The following NFATC1 variants were observed in gnomAD, a reference collection of about 807,000 sequenced individuals.
NFATC1 encodes nuclear factor of activated T cells 1, also known as nuclear factor of activated T-cells, cytoplasmic 1.
A neutral mutation model predicts 76.0 loss-of-function variants in NFATC1; 22 were observed. The ratio of observed to expected loss-of-function variants is 0.29; its 90% CI spans 0.21 to 0.41. The LOEUF is 0.41. Among genes scored for constraint, NFATC1 ranks in the 10% least tolerant of loss-of-function variants. The pLI is 1.00. For missense variants in NFATC1, 1,357 were observed against 1,337.7 expected, an observed-to-expected ratio of 1.01 and a Z score of -0.23; for synonymous variants, 704 against 613.1, an observed-to-expected ratio of 1.15 and a Z score of -2.19.
intron 9 of NFATC1, among the ~76,000 whole-genome samples, chr18:79,489,180 G>A (rs922578591): frequency 8.5e-5 from 13 of 152,240 alleles, no homozygotes; most frequent in Non-Finnish European, 1.6e-4. Context: ...GGCCACAGAG[G>A]GTGGGCTGTT....
intron 8 of NFATC1, among the ~76,000 whole-genome samples, chr18:79,478,316 C>T (rs539616132): frequency 8.5e-5 from 13 of 152,114 alleles, no homozygotes; most frequent in South Asian, 6.2e-4. Context: ...ATCTGGGAGC[C>T]GTGAAGACCC....
At chr18:79,448,717 G>C (rs541589911) in intron 3 of NFATC1, 65 bp from the exon 4 acceptor site, 5 of 1,541,582 alleles carry the variant, frequency 3.2e-6, no homozygotes, top group African/African-American at 2.7e-5. Flanking sequence ...TTTTCTCTGC[G>C]TTCCGGTGAC....
rs912535967 is a variant in NFATC1 at position 79,449,713 on chromosome 18, G to C, written c.1589+729G>C. Among the ~76,000 whole-genome samples the C allele has an allele frequency of 1.2e-4, 19 of 152,340 alleles. 1 individual carries two copies. The South Asian group carries it at 3.9e-3, about 32-fold the overall frequency. ...GGCGTCCTGCGAGGGTGACCCGCAG[G>C]CTGGGAGCCCGTGTGATGGGGAAGC... On this transcript the variant is annotated intron_variant, in intron 4 of 9. Transcript: ENST00000427363.
At chr18:79,458,916 A>G (rs988811323) in intron 6 of NFATC1, among the ~76,000 whole-genome samples, 2 of 152,262 alleles carry the variant, frequency 1.3e-5, no homozygotes, top group Non-Finnish European at 2.9e-5. Flanking sequence ...CTGGCCGTGA[A>G]TACTATTGCT....
intron 2 of NFATC1, among the ~76,000 whole-genome samples, chr18:79,412,010 C>T (rs576975340): frequency 2.0e-5 from 3 of 152,352 alleles, no homozygotes; most frequent in East Asian, 1.9e-4. Flanking sequence ...CAGATGGGAC[C>T]GCAGCTCAAC....
intron 2 of NFATC1, among the ~76,000 whole-genome samples, chr18:79,420,617 GA>G (rs2086052205): frequency 6.6e-6 from 1 of 151,766 alleles, no homozygotes; most frequent in Non-Finnish European, 1.5e-5. Context: ...CGTCGCTGCA[GA>G]GGGGAAGAGG....
At chr18:79,475,728 C>G (rs1325709827) in intron 8 of NFATC1, among the ~76,000 whole-genome samples, 1 of 152,226 alleles carries the variant, frequency 6.6e-6, no homozygotes, top group African/African-American at 2.4e-5. Context: ...GGAGACCTCC[C>G]CAAAAGTCAG....
intron 8 of NFATC1, among the ~76,000 whole-genome samples, chr18:79,483,183 AATTCCAGCGTGACCTGGTTCCTGGGGTG>A (rs2089359737): frequency 1.3e-5 from 1 of 75,620 alleles, no homozygotes; most frequent in Admixed American, 1.5e-4. Context: ...CCTGGGGTGT[AATTCCAGCGTGACCTGGTTCCTGGGGTG>A]TAATTCCAGC....
chr18:79,458,477 C>T (rs999919514), intron 6 of NFATC1, among the ~76,000 whole-genome samples: 1 of 152,084 alleles, frequency 6.6e-6, no homozygotes, highest in Non-Finnish European at 1.5e-5. Context: ...GGTGGCCCGG[C>T]TCCGGGCGGC....
chr18:79,459,479 G>A (rs925910743), intron 6 of NFATC1, among the ~76,000 whole-genome samples: 67 of 152,248 alleles, frequency 4.4e-4, no homozygotes, highest in African/African-American at 1.2e-3. Context: ...GCGTCCCCTC[G>A]GGGTGTCATT....
chr18:79,510,348 C>CAGAT (rs1286316076), intron 9 of NFATC1, among the ~76,000 whole-genome samples: 1 of 152,194 alleles, frequency 6.6e-6, no homozygotes, highest in Non-Finnish European at 1.5e-5. Flanking sequence ...ATATGGGGAT[C>CAGAT]AGATCCCTGA....
chr18:79,516,803 G>A (rs537965935), intron 9 of NFATC1, among the ~76,000 whole-genome samples: 4 of 152,248 alleles, frequency 2.6e-5, no homozygotes, highest in Admixed American at 1.3e-4. Context: ...GAACAAAAGC[G>A]TTTTCCTCTT....
At chr18:79,472,675 G>C (rs1470055077) in intron 8 of NFATC1, among the ~76,000 whole-genome samples, 2 of 152,010 alleles carry the variant, frequency 1.3e-5, no homozygotes, top group East Asian at 3.9e-4. Context: ...AGACACCCTG[G>C]GGCTGGGCCT....
intron 3 of NFATC1, among the ~76,000 whole-genome samples, chr18:79,438,714 TGA>T (rs975618618): frequency 1.3e-4 from 20 of 151,170 alleles, no homozygotes; most frequent in African/African-American, 3.9e-4. Flanking sequence ...GCCGCGCGGG[TGA>T]GAGGGGCGGG....
intron 9 of NFATC1, among the ~76,000 whole-genome samples, chr18:79,491,491 G>A (rs906699686): frequency 2.6e-5 from 4 of 152,198 alleles, no homozygotes; most frequent in Non-Finnish European, 2.9e-5. Flanking sequence ...GCTGTGTGGC[G>A]GGGACAAGAC....
intron 8 of NFATC1, among the ~76,000 whole-genome samples, chr18:79,481,214 G>T (rs557056426): frequency 1.3e-5 from 2 of 152,340 alleles, no homozygotes; most frequent in East Asian, 3.9e-4. Context: ...CTTCAAGCTG[G>T]AACAGCAGGA....
intron 8 of NFATC1, 32 bp from the exon 9 acceptor site, chr18:79,486,216 T>G (rs1306243493): frequency 1.3e-6 from 2 of 1,579,016 alleles, no homozygotes; most frequent in African/African-American, 1.4e-5. Context: ...TCGCAACTTG[T>G]GTTTATTTAA....
At chr18:79,442,152 C>T (rs142452559) in intron 3 of NFATC1, among the ~76,000 whole-genome samples, 52 of 152,212 alleles carry the variant, frequency 3.4e-4, no homozygotes, top group African/African-American at 1.3e-3. Context: ...GGCAGCGGGC[C>T]GAGGCGGTGG....
chr18:79,432,558 A>C (rs960167073), intron 2 of NFATC1, among the ~76,000 whole-genome samples: 1 of 152,196 alleles, frequency 6.6e-6, no homozygotes, highest in Admixed American at 6.5e-5. Flanking sequence ...GGGGAGACAG[A>C]CTGAGCGGGA....
Sources: gnomAD v4.1 joint callset for allele counts (sites outside exome capture counted in the v4.1 genomes callset) on GRCh38, gnomAD v4.1.1 for gene constraint, MANE v1.5 for transcripts, NCBI Gene and HGNC (gene_info 2026-07-23, HGNC 2026-07-21) for gene names.